Variants in HIVEP1 observed in about 807,000 individuals in gnomAD.
HIVEP1 encodes the protein zinc finger protein 40.
Under a neutral mutation model 180.0 loss-of-function variants are expected in HIVEP1, and 36 were observed. That is an observed-to-expected ratio of 0.20 (90% confidence interval 0.15 to 0.26). The LOEUF (loss-of-function observed/expected upper bound fraction) is 0.26. Among genes scored for constraint, HIVEP1 ranks in the 10% least tolerant of loss-of-function variants. HIVEP1 has a pLI of 1.00. For missense variants in HIVEP1, 3,143 were observed against 3,268.7 expected (o/e 0.96, Z 0.94); for synonymous variants, 1,239 against 1,239.0 (o/e 1.00, Z 0.00).
intron 7 of HIVEP1, among the ~76,000 whole-genome samples, chr6:12,142,188 C>T (rs1266583880): frequency 2.0e-5 from 3 of 152,222 alleles, no homozygotes; most frequent in Non-Finnish European, 2.9e-5. Flanking sequence ...AACTGTCTCT[C>T]AGACCACAGT....
chr6:12,082,855 T>C (rs1772877768), intron 2 of HIVEP1, among the ~76,000 whole-genome samples: 1 of 151,536 alleles, frequency 6.6e-6, no homozygotes, highest in African/African-American at 2.4e-5. Flanking sequence ...CTGAGCCAAA[T>C]GGACTATGTG....
chr6:12,106,636 A>G (rs1774450874), intron 3 of HIVEP1, among the ~76,000 whole-genome samples: 1 of 152,140 alleles, frequency 6.6e-6, no homozygotes, highest in African/African-American at 2.4e-5. Context: ...TGGGTTCTCT[A>G]GGAGACCATT....
rs888256004 is a variant in HIVEP1 at position 12,045,231 on chromosome 6, C to T, written c.40+29563C>T. Reference sequence around the variant, plus strand: ...TGTGTGTGGATCCAAATACATCCACCGTTCATCTCAGAGAAGCAGCTCATC... The same window carrying T: ...TGTGTGTGGATCCAAATACATCCACTGTTCATCTCAGAGAAGCAGCTCATC... On this transcript the variant is annotated intron_variant, in intron 2 of 8. Coordinates refer to ENST00000379388, the MANE Select transcript of HIVEP1 (RefSeq NM_002114.4). 3.9e-5 allele frequency among the ~76,000 whole-genome samples: 6 copies of T among 152,090 alleles called. No individual in the cohort carries two copies. The East Asian group carries it at 1.2e-3, about 29-fold the overall frequency.
At chr6:12,205,500 G>A in the HIVEP1 span, among the ~76,000 whole-genome samples, 3 of 151,854 alleles carry the variant, frequency 2.0e-5, no homozygotes, top group South Asian at 2.1e-4. Context: ...ACAAAGCTAC[G>A]TGGGGCATGA....
At chr6:12,011,272 C>CCCCCCA (rs1767271291), upstream of HIVEP1, among the ~76,000 whole-genome samples, 1 of 43,982 alleles carries the variant, frequency 2.3e-5, no homozygotes. Context: ...CCTTGGGGTC[C>CCCCCCA]CCCCCCCCCC....
At position 12,120,378 on chromosome 6, in the gene HIVEP1, G is replaced by A; in HGVS notation, c.583G>A (p.Ala195Thr). 1 of 1,614,114 alleles carries A rather than the reference G, an allele frequency of 6.2e-7. No homozygotes were observed. ...GTTSPSYTNT[A>T]FDVLLKAMEP... ...TACGTCCCCCTCCTATACAAACACT[G>A]CATTCGATGTCTTACTGAAAGCAAT... Residue 195 changes from alanine to threonine, a missense_variant, in exon 4 of 9, where the codon GCA becomes ACA. By Grantham distance (58) the Ala-to-Thr change is moderately conservative (BLOSUM62 0). This residue lies in a region of HIVEP1 where 306 missense variants were observed against 310.6 expected (regional missense o/e 0.99). Transcript: ENST00000379388.
chr6:12,027,887 T>G (rs969432352), intron 2 of HIVEP1, among the ~76,000 whole-genome samples: 2 of 152,218 alleles, frequency 1.3e-5, no homozygotes, highest in African/African-American at 4.8e-5. Context: ...CTAATAATTC[T>G]TTTTTTCTGG....
At chr6:12,020,439 C>A (rs1035311427) in intron 2 of HIVEP1, 1 of 471,078 alleles carries the variant, frequency 2.1e-6, no homozygotes, top group Non-Finnish European at 4.4e-6. Context: ...AGCAGGGCAG[C>A]GCTGTGTCTC....
chr6:12,076,487 C>T (rs1479981322), intron 2 of HIVEP1, among the ~76,000 whole-genome samples: 2 of 152,140 alleles, frequency 1.3e-5, no homozygotes, highest in Non-Finnish European at 2.9e-5. Context: ...TTTCACAGTT[C>T]TGGGGGCTGG....
intron 3 of HIVEP1, among the ~76,000 whole-genome samples, chr6:12,099,505 C>T (rs9394541): frequency 0.063 from 9,608 of 152,096 alleles, 377 homozygotes; most frequent in Middle Eastern, 0.15. Flanking sequence ...TTTATTTCAG[C>T]AGGCCCACCC....
At position 12,151,766 on chromosome 6, in the gene HIVEP1, C is replaced by T. The variant is rs1448714504; in HGVS notation, c.6488-9673C>T. On this transcript the variant is annotated intron_variant, in intron 7 of 8. Transcript: ENST00000379388. ...CTAAACTGTGACTGTAGCACAAAAG[C>T]AGCCACAGACAGTATATAAAGAAAT... Among the ~76,000 whole-genome samples, 4 of 152,198 alleles carry T rather than the reference C, an allele frequency of 2.6e-5. No homozygotes were observed. The East Asian group carries it at 5.8e-4, about 22-fold the overall frequency.
chr6:12,211,216 G>A, the HIVEP1 span, among the ~76,000 whole-genome samples: 1 of 124,992 alleles, frequency 8.0e-6, no homozygotes, highest in East Asian at 2.5e-4. Flanking sequence ...TGGCTAACAC[G>A]GTGAAACCCC....
chr6:12,025,756 T>C (rs548865709), intron 2 of HIVEP1, among the ~76,000 whole-genome samples: 9 of 152,230 alleles, frequency 5.9e-5, no homozygotes, highest in Non-Finnish European at 8.8e-5. Context: ...ATAACCATCG[T>C]TGGCCAAGCT....
At chr6:12,129,149 G>A (rs991211874) in intron 4 of HIVEP1, among the ~76,000 whole-genome samples, 7 of 152,174 alleles carry the variant, frequency 4.6e-5, no homozygotes, top group African/African-American at 1.7e-4. Flanking sequence ...GTTTGAGGCT[G>A]CAGTGAGCTA....
chr6:12,079,006 C>T (rs544711120), intron 2 of HIVEP1, among the ~76,000 whole-genome samples: 8 of 152,044 alleles, frequency 5.3e-5, no homozygotes, highest in East Asian at 1.9e-4. Context: ...TGGACCCTGG[C>T]GTGTAGCCTC....
At chr6:12,142,505 C>G (rs1458181784) in intron 7 of HIVEP1, among the ~76,000 whole-genome samples, 1 of 152,000 alleles carries the variant, frequency 6.6e-6, no homozygotes, top group Non-Finnish European at 1.5e-5. Context: ...AATTCAAAAG[C>G]CAGCAGAAGG....
chr6:12,121,613 C>T lies in HIVEP1; in HGVS notation c.1818C>T (p.Ala606=). ...LQVTNVQPLS[A]NMSQGGVSRL... is the part of the protein sequence containing the mutation. ...TGACAAACGTACAGCCACTTTCAGC[C>T]AACATGTCCCAGGGTGGAGTCTCCA... is the stretch of plus-strand genomic sequence containing the variant. Residue 606 remains alanine, a synonymous_variant, in exon 4 of 9, where the codon GCC becomes GCT. Coordinates refer to ENST00000379388, the MANE Select transcript of HIVEP1 (RefSeq NM_002114.4). This position sits in a 1 kb window ranked among gnomAD's most constrained non-coding sequence, Gnocchi z 5.3. 6.2e-7 allele frequency: 1 copy of T among 1,614,092 alleles called. No homozygotes were observed.
the HIVEP1 span, among the ~76,000 whole-genome samples, chr6:12,179,554 T>TA: frequency 6.6e-6 from 1 of 152,218 alleles, no homozygotes; most frequent in East Asian, 1.9e-4. Context: ...AACAATTAGT[T>TA]AATGAGTTGC....
At chr6:12,189,594 C>T in the HIVEP1 span, among the ~76,000 whole-genome samples, 3 of 151,922 alleles carry the variant, frequency 2.0e-5, no homozygotes, top group African/African-American at 7.2e-5. Flanking sequence ...TTTCCACGAA[C>T]GATTAACAAC....
Sources: allele counts gnomAD v4.1 joint callset (sites outside exome capture counted in the v4.1 genomes callset), GRCh38; gene constraint gnomAD v4.1.1; regional missense constraint gnomAD v4.1.1; non-coding constraint Gnocchi (gnomAD v3.1); transcripts MANE v1.5; gene names NCBI Gene and HGNC (gene_info 2026-07-23, HGNC 2026-07-21).